The following SYT14 variants were observed in gnomAD, a reference collection of about 807,000 sequenced individuals.
SYT14 encodes synaptotagmin-14.
In SYT14, 32 loss-of-function variants were observed where a neutral mutation model predicts 74.2. The ratio of observed to expected loss-of-function variants is 0.43; its 90% CI spans 0.33 to 0.58. The LOEUF is 0.58. Among genes scored for constraint, SYT14 ranks in the 20% least tolerant of loss-of-function variants. The pLI is 0.05. For synonymous variants in SYT14, 298 were observed against 337.7 expected (o/e 0.88, Z 1.29); for missense variants, 791 against 981.8 (o/e 0.81, Z 2.60).
At chr1:209,965,601 T>C (rs1323387946) in intron 2 of SYT14, among the ~76,000 whole-genome samples, 1 of 152,182 alleles carries the variant, frequency 6.6e-6, no homozygotes, top group East Asian at 1.9e-4. Flanking sequence ...GGTTGAATGG[T>C]AGTTCTATTT....
intron 3 of SYT14, among the ~76,000 whole-genome samples, chr1:210,014,760 C>G (rs2080150745): frequency 1.3e-5 from 2 of 152,066 alleles, no homozygotes; most frequent in Admixed American, 6.5e-5. Flanking sequence ...ATATTCCACT[C>G]CAGTTCTGCT....
chr1:210,073,544 A>G (rs1206492117), intron 5 of SYT14, among the ~76,000 whole-genome samples: 1 of 152,022 alleles, frequency 6.6e-6, no homozygotes, highest in Non-Finnish European at 1.5e-5. Flanking sequence ...TTGATATCAC[A>G]TCCCCAATTT....
At chr1:209,976,054 C>G (rs924832104) in intron 2 of SYT14, among the ~76,000 whole-genome samples, 2 of 152,074 alleles carry the variant, frequency 1.3e-5, no homozygotes, top group African/African-American at 2.4e-5. Context: ...GTGATATCCC[C>G]TTTATCATTT....
chr1:210,028,859 C>T (rs1275123367), intron 5 of SYT14, among the ~76,000 whole-genome samples: 2 of 152,172 alleles, frequency 1.3e-5, no homozygotes, highest in South Asian at 2.1e-4. Context: ...CTGTTTTCCA[C>T]AGTGACTATA....
chr1:210,138,560 G>T (rs1056983709), intron 7 of SYT14, among the ~76,000 whole-genome samples: 1 of 152,102 alleles, frequency 6.6e-6, no homozygotes, highest in Non-Finnish European at 1.5e-5. Flanking sequence ...CTATAGGTTG[G>T]TGTTGATATA....
chr1:209,942,096 G>T (rs954124376), intron 1 of SYT14, among the ~76,000 whole-genome samples: 61 of 152,228 alleles, frequency 4.0e-4, no homozygotes, highest in African/African-American at 1.4e-3. Flanking sequence ...TGAACCTGTG[G>T]ATATGGGGGG....
chr1:209,955,606 A>G (rs917859356), intron 2 of SYT14, among the ~76,000 whole-genome samples: 1 of 152,018 alleles, frequency 6.6e-6, no homozygotes, highest in Non-Finnish European at 1.5e-5. Flanking sequence ...CCTTTCACTA[A>G]GTATTAGTGA....
chr1:210,123,708 G>A (rs1006695277), intron 7 of SYT14, among the ~76,000 whole-genome samples: 1 of 152,088 alleles, frequency 6.6e-6, no homozygotes, highest in African/African-American at 2.4e-5. Flanking sequence ...TAAACGTTTA[G>A]AGTTTTTTGG....
chr1:210,036,137 A>G (rs2103009100), intron 5 of SYT14, among the ~76,000 whole-genome samples: 1 of 152,008 alleles, frequency 6.6e-6, no homozygotes, highest in Non-Finnish European at 1.5e-5. Flanking sequence ...GGTTGAATGT[A>G]GTACTAGGTG....
At chr1:210,071,781 TAAAA>T (rs964257596) in intron 5 of SYT14, among the ~76,000 whole-genome samples, 3 of 151,862 alleles carry the variant, frequency 2.0e-5, no homozygotes, top group Non-Finnish European at 2.9e-5. Flanking sequence ...ATTTTACTGA[TAAAA>T]AAAGCTTCGA....
At chr1:209,989,089 C>T (rs1042158092) in intron 2 of SYT14, among the ~76,000 whole-genome samples, 1 of 152,154 alleles carries the variant, frequency 6.6e-6, no homozygotes, top group Non-Finnish European at 1.5e-5. Context: ...TGAATGATCA[C>T]TCCTTTATTG....
chr1:210,127,589 C>T (rs1012805739), intron 7 of SYT14, among the ~76,000 whole-genome samples: 1 of 152,226 alleles, frequency 6.6e-6, no homozygotes, highest in African/African-American at 2.4e-5. Flanking sequence ...TTCACTGTGA[C>T]TTACAACCAG....
chr1:209,995,860 TAAAC>T (rs971947572), intron 2 of SYT14, among the ~76,000 whole-genome samples: 2 of 148,818 alleles, frequency 1.3e-5, no homozygotes, highest in Non-Finnish European at 2.9e-5. Flanking sequence ...ACATGGAAAT[TAAAC>T]AACTTACTCT....
chr1:210,027,011 T>TC (rs1247538356), intron 5 of SYT14, among the ~76,000 whole-genome samples: 1 of 152,108 alleles, frequency 6.6e-6, no homozygotes, highest in Non-Finnish European at 1.5e-5. Context: ...GAGGCACTGA[T>TC]CCCCCCATTC....
intron 5 of SYT14, among the ~76,000 whole-genome samples, chr1:210,087,727 C>G (rs1012137548): frequency 1.3e-5 from 2 of 152,188 alleles, no homozygotes; most frequent in Non-Finnish European, 2.9e-5. Context: ...ACTCCACTCC[C>G]TGGTATGGAC....
intron 1 of SYT14, among the ~76,000 whole-genome samples, chr1:209,948,108 G>C (rs1404592614): frequency 1.3e-5 from 2 of 152,150 alleles, no homozygotes; most frequent in African/African-American, 2.4e-5. Context: ...TATGTGACTT[G>C]TTTTATTGCG....
intron 7 of SYT14, among the ~76,000 whole-genome samples, chr1:210,115,729 G>A (rs1038552550): frequency 6.6e-6 from 1 of 151,236 alleles, no homozygotes; most frequent in African/African-American, 2.5e-5. Flanking sequence ...ATGTTCCTTG[G>A]GCTGGTTGGT....
exon 10 of SYT14, chr1:210,163,897 G>T (rs543402634): frequency 2.2e-6 from 1 of 453,672 alleles, no homozygotes; most frequent in Non-Finnish European, 4.4e-6. Flanking sequence ...GGGAGCAGGT[G>T]TTGGCTCAGA....
At chr1:210,062,743 T>C (rs1305172453) in intron 5 of SYT14, among the ~76,000 whole-genome samples, 5 of 151,946 alleles carry the variant, frequency 3.3e-5, no homozygotes, top group African/African-American at 9.7e-5. Flanking sequence ...TTGACACTTA[T>C]ATTTTAATTT....
Sources: allele counts gnomAD v4.1 joint callset (sites outside exome capture counted in the v4.1 genomes callset), GRCh38; gene constraint gnomAD v4.1.1; transcripts MANE v1.5; gene names NCBI Gene and HGNC (gene_info 2026-07-23, HGNC 2026-07-21).